MYH16: variants seen among roughly 807,000 people sequenced by gnomAD.
MYH16 encodes the protein myosin heavy chain 16, also known as putative uncharacterized protein MYH16.
chr7:99,297,097 G>A (rs750252840), intron 34 of MYH16, among the ~76,000 whole-genome samples, 180 bp downstream of exon 15: 11 of 152,104 alleles, frequency 7.2e-5, no homozygotes, highest in East Asian at 1.9e-4. Flanking sequence ...AACTTTAGGC[G>A]AGTTGCTTAA....
At chr7:99,295,451 A>T (rs1210358194) in intron 33 of MYH16, among the ~76,000 whole-genome samples, 3 of 152,118 alleles carry the variant, frequency 2.0e-5, no homozygotes, top group Non-Finnish European at 4.4e-5. Context: ...TACATCCCAC[A>T]TACTTTGCGT....
At chr7:99,279,644 C>A (rs11769461) in exon 22 of MYH16, 36,550 of 456,434 alleles carry the variant, frequency 0.08, 3,544 homozygotes, top group African/African-American at 0.28. Flanking sequence ...CACTGAGTGC[C>A]GCCAAGCGCA....
At chr7:99,294,700 G>A (rs568231271) in intron 33 of MYH16, among the ~76,000 whole-genome samples, 4 of 149,810 alleles carry the variant, frequency 2.7e-5, no homozygotes, top group Non-Finnish European at 4.4e-5. Context: ...TGAGAAGCTG[G>A]GATTACAGTG....
intron 23 of MYH16, among the ~76,000 whole-genome samples, chr7:99,282,759 G>A (rs1792216953): frequency 6.6e-6 from 1 of 152,052 alleles, no homozygotes; most frequent in Non-Finnish European, 1.5e-5. Context: ...GAGCCCAAGA[G>A]GTGGAGGCTG....
chr7:99,242,203 G>T (rs1018045259), intron 1 of MYH16, among the ~76,000 whole-genome samples: 4 of 152,184 alleles, frequency 2.6e-5, no homozygotes, highest in African/African-American at 9.6e-5. Context: ...GCAGCATGGG[G>T]AAGAGATCTG....
intron 6 of MYH16, among the ~76,000 whole-genome samples, chr7:99,252,151 A>G (rs1284484861): frequency 6.6e-6 from 1 of 152,196 alleles, no homozygotes; most frequent in African/African-American, 2.4e-5. Flanking sequence ...CTGGAGGGAC[A>G]TAAGAGAGGT....
At chr7:99,292,326 C>T (rs530992343) in exon 32 of MYH16, 10 of 456,664 alleles carry the variant, frequency 2.2e-5, no homozygotes, top group Admixed American at 7.0e-5. Context: ...GCAGCACCGC[C>T]GTGGTGAGTC....
chr7:99,278,515 G>T (rs998530397), intron 21 of MYH16, among the ~76,000 whole-genome samples: 1 of 152,188 alleles, frequency 6.6e-6, no homozygotes. Context: ...CACTGCTGGG[G>T]TCCTTCTGGT....
rs552447012 is a variant in MYH16 at position 99,249,800 on chromosome 7, G to A, written n.540-179G>A. On this transcript the variant is annotated intron_variant and non_coding_transcript_variant, in intron 4 of 41. Coordinates refer to ENST00000439784, the Ensembl canonical transcript of MYH16. ...TCGAACTCCTGACCTCAGGTGATCC[G>A]CCCACCTTGGCCTCCCAAAGTGCTA... Among the ~76,000 whole-genome samples the A allele has an allele frequency of 1.3e-4, 19 of 151,412 alleles. 1 individual carries two copies. The South Asian group carries it at 2.9e-3, about 23-fold the overall frequency.
chr7:99,254,979 A>T (rs1003553960), intron 8 of MYH16, among the ~76,000 whole-genome samples: 1 of 152,096 alleles, frequency 6.6e-6, no homozygotes, highest in East Asian at 1.9e-4. Flanking sequence ...TACAAAAACT[A>T]AAAAAATGGC....
At chr7:99,308,085 C>T (rs1217268223), downstream of MYH16, among the ~76,000 whole-genome samples, 1 of 151,910 alleles carries the variant, frequency 6.6e-6, no homozygotes, top group East Asian at 1.9e-4. Flanking sequence ...CCATAGGCAT[C>T]CTCATACTTT....
intron 18 of MYH16, among the ~76,000 whole-genome samples, chr7:99,267,915 C>T (rs1026976319): frequency 7.2e-5 from 11 of 152,200 alleles, no homozygotes; most frequent in South Asian, 2.1e-4. Context: ...GCCTCTGTGC[C>T]GCCTGGAGCA....
At chr7:99,274,496 A>G (rs929331836) in intron 20 of MYH16, among the ~76,000 whole-genome samples, 1 of 152,180 alleles carries the variant, frequency 6.6e-6, no homozygotes, top group African/African-American at 2.4e-5. Context: ...CCACAGATGG[A>G]AAGGGAGGAA....
At chr7:99,285,417 T>C (rs1792263796) in exon 27 of MYH16, 1 of 456,706 alleles carries the variant, frequency 2.2e-6, no homozygotes, top group South Asian at 1.5e-5. Context: ...AACTAGAAGC[T>C]GAGAGGGCCA....
intron 15 of MYH16, among the ~76,000 whole-genome samples, chr7:99,264,723 T>C (rs989200359): frequency 3.9e-5 from 6 of 152,068 alleles, no homozygotes; most frequent in Admixed American, 1.3e-4. Flanking sequence ...TCATTGGAGA[T>C]ATCCAAGCAG....
chr7:99,289,293 G>A (rs1466279799), exon 30 of MYH16: 4 of 424,926 alleles, frequency 9.4e-6, no homozygotes, highest in South Asian at 1.7e-5. Context: ...GCAGATGAAC[G>A]CCGAGGCCCA....
chr7:99,266,677 C>A (rs1012957692), intron 17 of MYH16, among the ~76,000 whole-genome samples: 1 of 152,244 alleles, frequency 6.6e-6, no homozygotes, highest in Admixed American at 6.5e-5. Context: ...CAAGCTGTAG[C>A]CCTTATTCCA....
rs569642687 is a variant in MYH16 at position 99,286,144 on chromosome 7, C to G, written n.3374-294C>G. On this transcript the variant is annotated intron_variant and non_coding_transcript_variant, in intron 27 of 41. Coordinates refer to ENST00000439784, the Ensembl canonical transcript of MYH16. ...GTATCATTAAATCTCATCCCATGGCCGGGAAGAGTGGCTCATGCTTGTAAT... is the reference window on the plus strand; with the variant it reads ...GTATCATTAAATCTCATCCCATGGCGGGGAAGAGTGGCTCATGCTTGTAAT... Among the ~76,000 whole-genome samples the G allele has an allele frequency of 7.2e-5, 11 of 152,292 alleles. No individual in the cohort carries two copies. The East Asian group carries it at 2.1e-3, about 29-fold the overall frequency.
At chr7:99,302,897 A>G (rs1049332071) in intron 38 of MYH16, among the ~76,000 whole-genome samples, 168 bp from the exon 20 acceptor site, 13 of 126,786 alleles carry the variant, frequency 1.0e-4, no homozygotes, top group South Asian at 2.6e-4. Context: ...AAAAAAAAAG[A>G]AAAAAAAAAG....
Sources: allele counts gnomAD v4.1 joint callset (sites outside exome capture counted in the v4.1 genomes callset), GRCh38; gene constraint gnomAD v4.1.1; transcripts MANE v1.5; gene names NCBI Gene and HGNC (gene_info 2026-07-23, HGNC 2026-07-21).